The following PACC1 variants were observed in gnomAD, a reference collection of about 807,000 sequenced individuals.
The protein encoded by PACC1 is proton activated chloride channel 1, also known as proton-activated chloride channel.
A neutral mutation model predicts 39.7 loss-of-function variants in PACC1; 34 were observed. The ratio of observed to expected loss-of-function variants is 0.86; its 90% CI spans 0.65 to 1.14. PACC1 has a LOEUF of 1.14. PACC1 is among the 50% of genes most tolerant of loss of function. PACC1 has a pLI of 0.00. For synonymous variants in PACC1, 127 were observed against 160.6 expected, an observed-to-expected ratio of 0.79 and a Z score of 1.58; for missense variants, 379 against 436.4, an observed-to-expected ratio of 0.87 and a Z score of 1.17.
intron 7 of PACC1, among the ~76,000 whole-genome samples, chr1:212,368,891 G>A (rs771931152): frequency 2.8e-4 from 42 of 152,132 alleles, no homozygotes; most frequent in Admixed American, 1.1e-3. Context: ...AATTAGCCGG[G>A]CGTGGTGGCG....
In PACC1 at chr1:212,364,949, CAA is replaced by C. The variant is rs1660177362; in HGVS notation, c.*264_*265del. 1 of 220,834 alleles carries C rather than the reference CAA, an allele frequency of 4.5e-6. No homozygotes were observed. The highest frequency in any genetic ancestry group is 1.6e-4 in the South Asian group (1 of 6,124). The allele number at this position is 220,834 out of a possible 1,614,324, so 13.7% of individuals were successfully genotyped here. ...AAAGGCATCTTCTACAAACCCTATTCAAAAGTCATTGGCCAGCTCTTTAAAAA... is the reference window on the plus strand; with the variant it reads ...AAAGGCATCTTCTACAAACCCTATTCAAGTCATTGGCCAGCTCTTTAAAAA... On this transcript the variant is annotated 3_prime_UTR_variant, in exon 8 of 8. Transcript: ENST00000261455.
chr1:212,365,429 C>CTTT (rs879161931), intron 7 of PACC1, 53 bp from the exon 8 acceptor site: 254 of 977,708 alleles, frequency 2.6e-4, no homozygotes, highest in South Asian at 4.7e-4. Context: ...AGTCTTGATT[C>CTTT]TTTTTTTTTT....
chr1:212,385,249 C>T (rs1661054738), intron 4 of PACC1, 25 bp downstream of exon 4: 3 of 1,613,228 alleles, frequency 1.9e-6, no homozygotes, highest in African/African-American at 1.3e-5. Context: ...GCTGCCCAGA[C>T]CCAGCTCAGG....
intron 1 of PACC1, 124 bp downstream of exon 1, chr1:212,414,598 C>T: frequency 1.6e-6 from 2 of 1,238,462 alleles, no homozygotes; most frequent in South Asian, 1.4e-5. Context: ...CTGACGCACC[C>T]GTCGGTCCCT....
At chr1:212,411,183 A>T (rs1020364507) in intron 1 of PACC1, among the ~76,000 whole-genome samples, 1 of 152,220 alleles carries the variant, frequency 6.6e-6, no homozygotes, top group African/African-American at 2.4e-5. Flanking sequence ...CATGGCCATA[A>T]AGCCAGGGAA....
chr1:212,409,414 A>T (rs1382896015), intron 2 of PACC1, among the ~76,000 whole-genome samples: 1 of 152,170 alleles, frequency 6.6e-6, no homozygotes, highest in Admixed American at 6.6e-5. Context: ...AAGGAAAGTG[A>T]ATTCCAGGCA....
chr1:212,406,050 G>A (rs955606637), intron 2 of PACC1, among the ~76,000 whole-genome samples: 1 of 134,180 alleles, frequency 7.5e-6, no homozygotes, highest in Non-Finnish European at 1.5e-5. Context: ...GCTGAAATGA[G>A]CCATGATCAC....
At chr1:212,376,571 A>C (rs1006820295) in intron 6 of PACC1, among the ~76,000 whole-genome samples, 2 of 152,188 alleles carry the variant, frequency 1.3e-5, no homozygotes, top group Non-Finnish European at 2.9e-5. Context: ...AAAGGACTTG[A>C]ATTTCTTGGA....
At chr1:212,383,875 T>C (rs1015395398) in intron 4 of PACC1, among the ~76,000 whole-genome samples, 3 of 152,084 alleles carry the variant, frequency 2.0e-5, no homozygotes, top group Non-Finnish European at 4.4e-5. Flanking sequence ...CATCTTCCCT[T>C]CGCTTCTGTA....
intron 4 of PACC1, among the ~76,000 whole-genome samples, chr1:212,380,418 A>C (rs1392819287): frequency 6.6e-6 from 1 of 152,238 alleles, no homozygotes; most frequent in Non-Finnish European, 1.5e-5. Flanking sequence ...AATTTAACGT[A>C]GTAAAACCTT....
chr1:212,410,379 G>T, intron 2 of PACC1, 46 bp downstream of exon 2: 2 of 1,569,386 alleles, frequency 1.3e-6, no homozygotes, highest in Non-Finnish European at 1.8e-6. Context: ...CTAGACTGGG[G>T]TGTCCAGCTG....
At chr1:212,391,512 G>A (rs1661319253) in intron 2 of PACC1, among the ~76,000 whole-genome samples, 1 of 152,174 alleles carries the variant, frequency 6.6e-6, no homozygotes, top group South Asian at 2.1e-4. Context: ...CAGAAAAACT[G>A]AAAATTCTAA....
intron 1 of PACC1, among the ~76,000 whole-genome samples, chr1:212,412,821 G>A (rs1008808853): frequency 6.6e-6 from 1 of 152,304 alleles, no homozygotes; most frequent in East Asian, 1.9e-4. Flanking sequence ...GTTAACAAGA[G>A]CTATCATTCA....
intron 5 of PACC1, among the ~76,000 whole-genome samples, chr1:212,378,885 G>A (rs1660765866): frequency 2.6e-5 from 4 of 151,880 alleles, no homozygotes; most frequent in Admixed American, 2.6e-4. Context: ...CGATGAGGAT[G>A]AAGGCCTTTA....
intron 2 of PACC1, among the ~76,000 whole-genome samples, chr1:212,402,836 T>A (rs1204429958): frequency 6.6e-6 from 1 of 152,198 alleles, no homozygotes; most frequent in African/African-American, 2.4e-5. Flanking sequence ...GCATTTTTAG[T>A]AGAGGTGGAG....
intron 2 of PACC1, among the ~76,000 whole-genome samples, chr1:212,407,209 A>G (rs1661950031): frequency 6.6e-6 from 1 of 152,208 alleles, no homozygotes; most frequent in Admixed American, 6.5e-5. Flanking sequence ...CAGGAGAGTC[A>G]GCATCAGAGT....
intron 6 of PACC1, among the ~76,000 whole-genome samples, chr1:212,376,069 C>T (rs752572255): frequency 2.1e-4 from 32 of 152,176 alleles, no homozygotes; most frequent in Admixed American, 4.6e-4. Flanking sequence ...TAGATCCACA[C>T]AGCTGAGCAT....
intron 7 of PACC1, among the ~76,000 whole-genome samples, chr1:212,366,300 CTTTT>C (rs35052406): frequency 9.3e-6 from 1 of 107,412 alleles, no homozygotes. Flanking sequence ...GGTAAGAATA[CTTTT>C]TTTTTTTTTT....
At chr1:212,368,363 G>A (rs1660319411) in intron 7 of PACC1, among the ~76,000 whole-genome samples, 1 of 152,026 alleles carries the variant, frequency 6.6e-6, no homozygotes, top group African/African-American at 2.4e-5. Context: ...AAAGTTCAGA[G>A]AAATACAATC....
Sources: gnomAD v4.1 joint callset for allele counts (sites outside exome capture counted in the v4.1 genomes callset) on GRCh38, gnomAD v4.1.1 for gene constraint, MANE v1.5 for transcripts, NCBI Gene and HGNC (gene_info 2026-07-23, HGNC 2026-07-21) for gene names.